Variants in COL23A1 observed in about 807,000 individuals in gnomAD.
The protein encoded by COL23A1 is collagen type XXIII alpha 1 chain.
Under a neutral mutation model 99.3 loss-of-function variants are expected in COL23A1, and 97 were observed. That is an observed-to-expected ratio of 0.98 (90% confidence interval 0.83 to 1.16). COL23A1 has a LOEUF of 1.16. COL23A1 is among the 50% of genes most tolerant of loss of function. The pLI is 0.00. For synonymous variants in COL23A1, 320 were observed against 308.2 expected (o/e 1.04, Z -0.40); for missense variants, 762 against 757.4 (o/e 1.01, Z -0.07).
Position 178,385,928 on chromosome 5 carries a change from C to T in COL23A1, c.362-79009G>A, listed in dbSNP as rs750184528. Among the ~76,000 whole-genome samples, 5 of 152,054 alleles carry T rather than the reference C, an allele frequency of 3.3e-5. No homozygotes were observed. In the South Asian group the frequency reaches 6.2e-4, roughly 19 times the overall value. ...ATATTTCACTGATTTTCCCTACAGT[C>T]GTAATACAGCTGACATTTCTCGGGA... On this transcript the variant is annotated intron_variant, in intron 2 of 28. Coordinates refer to ENST00000390654, the MANE Select transcript of COL23A1 (RefSeq NM_173465.4).
intron 2 of COL23A1, among the ~76,000 whole-genome samples, chr5:178,472,797 C>G (rs113692957): frequency 6.6e-6 from 1 of 152,122 alleles, no homozygotes; most frequent in Non-Finnish European, 1.5e-5. Context: ...TCCACATCCA[C>G]GGTCTCAACC....
chr5:178,493,230 TC>T (rs1562021107), intron 2 of COL23A1, among the ~76,000 whole-genome samples: 1 of 152,096 alleles, frequency 6.6e-6, no homozygotes, highest in African/African-American at 2.4e-5. Context: ...AGAAATCTCT[TC>T]CCCAGGCCAT....
At chr5:178,543,753 T>C (rs541842205) in intron 2 of COL23A1, among the ~76,000 whole-genome samples, 3 of 152,282 alleles carry the variant, frequency 2.0e-5, no homozygotes, top group South Asian at 2.1e-4. Flanking sequence ...CAAAATACTA[T>C]GAATTGCATG....
intron 2 of COL23A1, among the ~76,000 whole-genome samples, chr5:178,417,082 C>T (rs1419698582): frequency 6.6e-6 from 1 of 152,188 alleles, no homozygotes; most frequent in African/African-American, 2.4e-5. Flanking sequence ...GAATGAATCA[C>T]GATCTGATTC....
At position 178,300,073 on chromosome 5, in the gene COL23A1, C is replaced by CT. The variant is rs1281879439; in HGVS notation, c.406+6801dup. Among the ~76,000 whole-genome samples, 547 of 146,644 alleles carry CT rather than the reference C, an allele frequency of 3.7e-3. 1 individual carries two copies. Among genetic ancestry groups the CT allele is most frequent in the African/African-American group, 9.0e-3 (356 of 39,634 alleles). The stretch of plus-strand genomic sequence containing the variant: ...CTGGCTACTCTCCTTCAATTTTTTT[C>CT]TTTTTTTTTTGAGACGGAGTCTCGC... On this transcript the variant is annotated intron_variant, in intron 3 of 28. Transcript: ENST00000390654.
At chr5:178,249,770 C>T (rs1270265102) in intron 18 of COL23A1, among the ~76,000 whole-genome samples, 3 of 132,932 alleles carry the variant, frequency 2.3e-5, no homozygotes, top group Non-Finnish European at 4.7e-5. Flanking sequence ...GCAATACCTA[C>T]AATGCTCTTA....
chr5:178,382,726 AG>A (rs1763450276), intron 2 of COL23A1, among the ~76,000 whole-genome samples: 1 of 152,224 alleles, frequency 6.6e-6, no homozygotes, highest in African/African-American at 2.4e-5. Context: ...AGAGAGCCCC[AG>A]GCCCAGGACT....
intron 2 of COL23A1, chr5:178,345,441 G>A: frequency 4.8e-6 from 1 of 209,554 alleles, no homozygotes; most frequent in South Asian, 9.7e-5. Flanking sequence ...GTTCTATAGA[G>A]AAATGTATCA....
chr5:178,242,621 C>T (rs1764468336), intron 25 of COL23A1, among the ~76,000 whole-genome samples: 1 of 152,220 alleles, frequency 6.6e-6, no homozygotes, highest in Non-Finnish European at 1.5e-5. Flanking sequence ...AAAGTAGTCG[C>T]TGGACACCAA....
At chr5:178,471,451 T>G (rs1472547938) in intron 2 of COL23A1, among the ~76,000 whole-genome samples, 5 of 152,002 alleles carry the variant, frequency 3.3e-5, no homozygotes, top group Non-Finnish European at 7.4e-5. Context: ...GTTGGCCAGG[T>G]TGGTCTTGAA....
intron 2 of COL23A1, among the ~76,000 whole-genome samples, chr5:178,472,903 T>C (rs1295853584): frequency 2.0e-5 from 3 of 152,148 alleles, no homozygotes; most frequent in Non-Finnish European, 4.4e-5. Context: ...GGCAGAAGGG[T>C]TGCTTGAGCC....
At chr5:178,577,658 G>T (rs938120100) in intron 1 of COL23A1, among the ~76,000 whole-genome samples, 3 of 152,220 alleles carry the variant, frequency 2.0e-5, no homozygotes, top group Admixed American at 1.3e-4. Flanking sequence ...AGACCAGAGC[G>T]AGTGTCAAGG....
intron 1 of COL23A1, among the ~76,000 whole-genome samples, chr5:178,579,208 C>T (rs1763538785): frequency 1.3e-5 from 2 of 152,178 alleles, no homozygotes; most frequent in African/African-American, 4.8e-5. Context: ...TGTAGACATT[C>T]CTTCCAAATT....
chr5:178,243,515 T>G (rs1313688384), intron 25 of COL23A1, among the ~76,000 whole-genome samples: 1 of 151,770 alleles, frequency 6.6e-6, no homozygotes, highest in Non-Finnish European at 1.5e-5. Flanking sequence ...AGAAACAATT[T>G]TAAAAAGAGA....
intron 2 of COL23A1, among the ~76,000 whole-genome samples, chr5:178,311,982 C>T (rs184704199): frequency 0.016 from 2,386 of 152,026 alleles, 34 homozygotes; most frequent in South Asian, 0.05. Flanking sequence ...CCACCTGCCT[C>T]GGCCTCCCAA....
At chr5:178,322,132 A>G (rs1403825989) in intron 2 of COL23A1, among the ~76,000 whole-genome samples, 1 of 151,964 alleles carries the variant, frequency 6.6e-6, no homozygotes, top group African/African-American at 2.4e-5. Flanking sequence ...AGCTGGGACT[A>G]TAGGCACCCG....
At chr5:178,346,081 G>C (rs1383525121) in intron 2 of COL23A1, among the ~76,000 whole-genome samples, 3 of 151,704 alleles carry the variant, frequency 2.0e-5, no homozygotes, top group Non-Finnish European at 4.4e-5. Context: ...ATAAAAGCAT[G>C]TTGTATATTA....
intron 2 of COL23A1, among the ~76,000 whole-genome samples, chr5:178,376,929 C>G (rs4976768): frequency 0.076 from 11,520 of 152,234 alleles, 892 homozygotes; most frequent in East Asian, 0.4. Flanking sequence ...CCACTTTTAT[C>G]TTCCCCCGAA....
chr5:178,546,842 G>A (rs1243001082), intron 2 of COL23A1, among the ~76,000 whole-genome samples: 1 of 152,174 alleles, frequency 6.6e-6, no homozygotes, highest in East Asian at 1.9e-4. Flanking sequence ...CAGGCTCACA[G>A]CAGAGATTGT....
Sources: gnomAD v4.1 joint callset for allele counts (sites outside exome capture counted in the v4.1 genomes callset) on GRCh38, gnomAD v4.1.1 for gene constraint, MANE v1.5 for transcripts, NCBI Gene and HGNC (gene_info 2026-07-23, HGNC 2026-07-21) for gene names.